MYRF: variants seen among roughly 807,000 people sequenced by gnomAD.
MYRF encodes the protein myelin gene regulatory factor.
A neutral mutation model predicts 126.3 loss-of-function variants in MYRF; 16 were observed. The ratio of observed to expected loss-of-function variants is 0.13; its 90% CI spans 0.09 to 0.19. MYRF has a LOEUF of 0.19. Among genes scored for constraint, MYRF ranks in the 10% least tolerant of loss-of-function variants. MYRF has a pLI of 1.00. For synonymous variants in MYRF, 608 were observed against 635.3 expected, an observed-to-expected ratio of 0.96 and a Z score of 0.65; for missense variants, 1,104 against 1,547.0, an observed-to-expected ratio of 0.71 and a Z score of 4.80.
rs2066436374 is a variant in MYRF, at chr11:61,778,105, A to G, written c.1903+260A>G. On this transcript the variant is annotated intron_variant, in intron 13 of 26. Transcript: ENST00000278836. The surrounding 1 kb of genome is among the most constrained non-coding windows in gnomAD (Gnocchi z 4.6). ...TCGCCCTTCGCGCTAGATGAATCCT[A>G]CCTTTAACCTGCCAGAATACTACCC... Among the ~76,000 whole-genome samples, 2 of 151,920 alleles carry G rather than the reference A, an allele frequency of 1.3e-5. No homozygotes were observed. Among genetic ancestry groups the G allele is most frequent in the African/African-American group, 4.8e-5 (2 of 41,344 alleles).
chr11:61,786,018 CG>C lies in MYRF; in HGVS notation c.3376-44del. ...TGTCAGCAGGGAGTGCCATCTGCCC[CG>C]CACCCCCAGAGCCACCTCACCTTCC... On this transcript the variant is annotated intron_variant, in intron 26 of 26. Transcript: ENST00000278836. This position sits in a 1 kb window ranked among gnomAD's most constrained non-coding sequence, Gnocchi z 4.5. 1 of 1,594,068 alleles carries C rather than the reference CG, an allele frequency of 6.3e-7. No homozygotes were observed. The highest frequency in any genetic ancestry group is 1.1e-5 in the South Asian group (1 of 90,670).
rs138120341 is a variant in MYRF at position 61,766,138 on chromosome 11, C to T, written c.315C>T (p.Asn105=). The T allele has an allele frequency of 2.5e-5, 40 of 1,610,884 alleles. No homozygotes were observed. Among genetic ancestry groups the T allele is most frequent in the Middle Eastern group, 1.6e-4 (1 of 6,074 alleles). The change falls in exon 3 of 27, where the codon AAC becomes AAT. Residue 105 remains asparagine (N), a synonymous_variant. Transcript: ENST00000278836. ...CCCCGCTGAACTGCAACAACAACAA[C>T]GGCATGGGCGCTGCCCCCAAGCCCT... ...YGTPLNCNNN[N]GMGAAPKPFP...
chr11:61,771,347 G>T (rs923530538), intron 5 of MYRF, among the ~76,000 whole-genome samples, 153 bp from the exon 6 acceptor site: 24 of 152,206 alleles, frequency 1.6e-4, no homozygotes, highest in African/African-American at 5.8e-4. Flanking sequence ...GGAGTAGGAG[G>T]AGGCAAAGCC....
intron 1 of MYRF, among the ~76,000 whole-genome samples, chr11:61,762,711 G>T (rs900044355): frequency 6.6e-6 from 1 of 152,180 alleles, no homozygotes; most frequent in Non-Finnish European, 1.5e-5. Flanking sequence ...GCCGAGCGGC[G>T]TGGGAAAGAG....
intron 2 of MYRF, 36 bp from the exon 3 acceptor site, chr11:61,765,922 T>C (rs1208298296): frequency 6.8e-7 from 1 of 1,472,150 alleles, no homozygotes; most frequent in East Asian, 2.4e-5. Context: ...GGGGCTGGGG[T>C]CCTGGCTGGA....
intron 1 of MYRF, chr11:61,755,553 A>G (rs1591070008): frequency 7.3e-7 from 1 of 1,366,728 alleles, no homozygotes; most frequent in South Asian, 1.2e-5. Flanking sequence ...TGCAGGCTGG[A>G]CCACTGAGAG....
In MYRF at chr11:61,776,492, C is replaced by G. The variant is rs937636113; in HGVS notation, c.1499+60C>G. 4 of 1,411,168 alleles carry G rather than the reference C, an allele frequency of 2.8e-6. No homozygotes were observed. In the East Asian group the frequency reaches 9.8e-5, roughly 34 times the overall value. The allele number at this position is 1,411,168 out of a possible 1,614,324, so 87.4% of individuals were successfully genotyped here. A position where few individuals can be genotyped will look rare whatever the true frequency, so the allele number is the denominator to read the frequency against. On this transcript the variant is annotated intron_variant, in intron 10 of 26. Coordinates refer to ENST00000278836, the MANE Select transcript of MYRF (RefSeq NM_001127392.3). This position sits in a 1 kb window ranked among gnomAD's most constrained non-coding sequence, Gnocchi z 4.3. ...CATTTCTGAGGCAGGAAGACACTGC[C>G]CTGGGTGGCACACCAGGCACAGAGT...
In MYRF at chr11:61,778,215, T is replaced by G. The variant is rs1441241957; in HGVS notation, c.1904-165T>G. On this transcript the variant is annotated intron_variant, in intron 13 of 26. Transcript: ENST00000278836. This position sits in a 1 kb window ranked among gnomAD's most constrained non-coding sequence, Gnocchi z 4.6. ...CCTGAGCCCTGGAATTGCAATCCTG[T>G]GAACACTGGTTCGTGGGATCTCCCT... Among the ~76,000 whole-genome samples, 1 of 152,148 alleles carries G rather than the reference T, an allele frequency of 6.6e-6. No homozygotes were observed. The highest frequency in any genetic ancestry group is 2.4e-5 in the African/African-American group (1 of 41,418).
chr11:61,785,142 A>G (rs1352693065), intron 25 of MYRF: 1 of 152,988 alleles, frequency 6.5e-6, no homozygotes, highest in East Asian at 1.9e-4. Context: ...TGCAGAAAGC[A>G]CCTGCAACAG....
rs774510105 is a variant in MYRF at position 61,786,110 on chromosome 11, C to G, written c.3423C>G (p.Asp1141Glu). The change falls in exon 27 of 27, where the codon GAC becomes GAG. Residue 1141 changes from aspartate to glutamate, a missense_variant. Asp to Glu is a conservative substitution (Grantham distance 45, BLOSUM62 2). Around this residue, in one of 10 missense-constraint regions of MYRF, gnomAD observed 94 missense variants for 164.6 expected, o/e 0.57. Transcript: ENST00000278836. This position sits in a 1 kb window ranked among gnomAD's most constrained non-coding sequence, Gnocchi z 4.5. ...AGGCTCTCGCCCAGCCAGCCACAGA[C>G]TACCACTTCCACTTCTACCGCCTGT... ...SSEALAQPAT[D>E]YHFHFYRLCD is the part of the protein sequence containing the mutation. The G allele has an allele frequency of 3.9e-5, 63 of 1,614,082 alleles. 1 individual carries two copies. Among genetic ancestry groups the G allele is most frequent in the Non-Finnish European group, 4.1e-5 (48 of 1,180,022 alleles).
At chr11:61,766,571 C>T (rs547259866) in intron 3 of MYRF, 3 of 283,832 alleles carry the variant, frequency 1.1e-5, no homozygotes, top group East Asian at 7.0e-5. Context: ...CGTGCACGCG[C>T]GCCAAGCCCA....
At chr11:61,766,933 C>T (rs1287376257) in intron 3 of MYRF, 2 of 447,142 alleles carry the variant, frequency 4.5e-6, no homozygotes, top group Admixed American at 2.4e-5. Flanking sequence ...GGTGCATGAA[C>T]TCTGTGTTCA....
chr11:61,768,540 G>C (rs1362779944), intron 3 of MYRF: 1 of 152,278 alleles, frequency 6.6e-6, no homozygotes. Flanking sequence ...GATGCAGGGG[G>C]ACTCTGGAGC....
chr11:61,784,000 G>T lies in MYRF; in HGVS notation c.3194+75G>T. 1 of 1,477,612 alleles carries T rather than the reference G, an allele frequency of 6.8e-7. No homozygotes were observed. The highest frequency in any genetic ancestry group is 9.3e-7 in the Non-Finnish European group (1 of 1,078,108). The allele number at this position is 1,477,612 out of a possible 1,614,324, so 91.5% of individuals were successfully genotyped here. On this transcript the variant is annotated intron_variant, in intron 24 of 26. Transcript: ENST00000278836. The surrounding 1 kb of genome is among the most constrained non-coding windows in gnomAD (Gnocchi z 4.6). ...TCTCCCGCAGAGCCTCAGAACAGCCGAGTCTGAGGACAGCCGGAGAGTCTC... is the reference window on the plus strand; with the variant it reads ...TCTCCCGCAGAGCCTCAGAACAGCCTAGTCTGAGGACAGCCGGAGAGTCTC...
At chr11:61,763,875 G>T (rs762084716) in intron 1 of MYRF, among the ~76,000 whole-genome samples, 2 of 151,822 alleles carry the variant, frequency 1.3e-5, no homozygotes, top group Non-Finnish European at 2.9e-5. Flanking sequence ...AAAAAAAAAA[G>T]AAATAAAGTA....
chr11:61,785,975 G>T, intron 26 of MYRF, 88 bp from the exon 27 acceptor site: 1 of 1,558,152 alleles, frequency 6.4e-7, no homozygotes, highest in Non-Finnish European at 8.9e-7. Context: ...GTAGGGCTGG[G>T]GGCACAGTGT....
At chr11:61,775,141 G>A (rs1049956390) in intron 8 of MYRF, among the ~76,000 whole-genome samples, 3 of 152,090 alleles carry the variant, frequency 2.0e-5, no homozygotes, top group Non-Finnish European at 2.9e-5. Flanking sequence ...CTTCCTTGTC[G>A]GAATGTCCAC....
chr11:61,763,036 AG>A (rs1289017945), intron 1 of MYRF, among the ~76,000 whole-genome samples: 1 of 152,000 alleles, frequency 6.6e-6, no homozygotes, highest in Non-Finnish European at 1.5e-5. Flanking sequence ...CCAGGAGAGG[AG>A]GGGGCTGGGT....
Position 61,779,160 on chromosome 11 carries a change from G to A in MYRF, c.2014-103G>A, listed in dbSNP as rs2135855029. On this transcript the variant is annotated intron_variant, in intron 14 of 26. Coordinates refer to ENST00000278836, the MANE Select transcript of MYRF (RefSeq NM_001127392.3). ...GAGGGCCTCCCAGTGGCCAAGGACA[G>A]TGGCCGCCCCTCCTGCCCCCTGATG... 3.1e-6 allele frequency: 4 copies of A among 1,310,482 alleles called. No homozygotes were observed. In the South Asian group the frequency reaches 4.4e-5, roughly 14 times the overall value. 81.2% of individuals were successfully genotyped at this position (1,310,482 alleles called of 1,614,324 possible).
Sources: allele counts gnomAD v4.1 joint callset (sites outside exome capture counted in the v4.1 genomes callset), GRCh38; gene constraint gnomAD v4.1.1; regional missense constraint gnomAD v4.1.1; non-coding constraint Gnocchi (gnomAD v3.1); transcripts MANE v1.5; gene names NCBI Gene and HGNC (gene_info 2026-07-23, HGNC 2026-07-21).